The following GPC6 variants were observed in gnomAD, a reference collection of about 807,000 sequenced individuals.
GPC6 encodes the protein glypican-6.
A neutral mutation model predicts 55.2 loss-of-function variants in GPC6; 14 were observed. That is an observed-to-expected ratio of 0.25 (90% confidence interval 0.17 to 0.40). The LOEUF (loss-of-function observed/expected upper bound fraction) is 0.40, where lower values mean the gene tolerates loss of function less well. Among genes scored for constraint, GPC6 ranks in the 10% least tolerant of loss-of-function variants. GPC6 has a pLI of 1.00. For synonymous variants in GPC6, 278 were observed against 259.6 expected (o/e 1.07, Z -0.68); for missense variants, 641 against 708.5 (o/e 0.90, Z 1.08).
At chr13:93,730,889 G>A (rs2138836058) in intron 2 of GPC6, among the ~76,000 whole-genome samples, 1 of 152,288 alleles carries the variant, frequency 6.6e-6, no homozygotes, top group African/African-American at 2.4e-5. Flanking sequence ...AATGCAGGTG[G>A]CTGGTAGAAG....
intron 1 of GPC6, among the ~76,000 whole-genome samples, chr13:93,327,069 G>C (rs376840465): frequency 1.2e-4 from 18 of 152,332 alleles, no homozygotes; most frequent in East Asian, 1.2e-3. Context: ...TGAGAATACA[G>C]AAAGTGGCTT....
At chr13:94,192,888 G>A (rs1183770712) in intron 4 of GPC6, among the ~76,000 whole-genome samples, 2 of 152,134 alleles carry the variant, frequency 1.3e-5, no homozygotes, top group Non-Finnish European at 2.9e-5. Flanking sequence ...AAAGTTCAGT[G>A]GGCATCAGTT....
At chr13:93,429,762 G>A (rs1350622915) in intron 1 of GPC6, among the ~76,000 whole-genome samples, 1 of 152,004 alleles carries the variant, frequency 6.6e-6, no homozygotes, top group Non-Finnish European at 1.5e-5. Context: ...TGTTGGGCTA[G>A]GTGATACATG....
intron 4 of GPC6, among the ~76,000 whole-genome samples, chr13:94,174,684 G>A (rs755996643): frequency 6.6e-6 from 1 of 152,094 alleles, no homozygotes; most frequent in Non-Finnish European, 1.5e-5. Flanking sequence ...TAATGTCCTT[G>A]TAAATGTCAT....
At chr13:93,747,287 A>G (rs1486541279) in intron 2 of GPC6, among the ~76,000 whole-genome samples, 1 of 152,226 alleles carries the variant, frequency 6.6e-6, no homozygotes, top group African/African-American at 2.4e-5. Flanking sequence ...CATCAATGAC[A>G]AGAGATGTGA....
rs111261321 is a variant in GPC6, at chr13:93,231,521, A to C, written c.160+3905A>C. 6.0e-3 allele frequency among the ~76,000 whole-genome samples: 899 copies of C among 149,910 alleles called. 6 individuals are homozygous for C. The highest frequency in any genetic ancestry group is 0.021 in the African/African-American group (857 of 40,864). On this transcript the variant is annotated intron_variant, in intron 1 of 8. Coordinates refer to ENST00000377047, the MANE Select transcript of GPC6 (RefSeq NM_005708.5). ...CTAAATACGTTTCTATTTTGTTCCA[A>C]CGTCTCTAATTCTCAATATCACTTT...
chr13:94,318,437 C>G (rs1035771407), intron 6 of GPC6, among the ~76,000 whole-genome samples: 2 of 152,058 alleles, frequency 1.3e-5, no homozygotes, highest in Non-Finnish European at 2.9e-5. Flanking sequence ...TTAACAATAA[C>G]TAATAATAAA....
chr13:93,814,810 C>G (rs577681965), intron 2 of GPC6, among the ~76,000 whole-genome samples: 1 of 152,260 alleles, frequency 6.6e-6, no homozygotes, highest in East Asian at 1.9e-4. Flanking sequence ...GATTAGAGTG[C>G]TGGTTGATGT....
At chr13:93,706,023 T>A (rs2138801605) in intron 2 of GPC6, among the ~76,000 whole-genome samples, 1 of 151,742 alleles carries the variant, frequency 6.6e-6, no homozygotes, top group South Asian at 2.1e-4. Context: ...TACCAAAAAA[T>A]GGAAAAAAAT....
chr13:93,481,022 TTCCTGAAGCATCTGTG>T (rs1259587927), intron 1 of GPC6, among the ~76,000 whole-genome samples: 2 of 152,178 alleles, frequency 1.3e-5, no homozygotes, highest in Non-Finnish European at 2.9e-5. Flanking sequence ...TCCAGATTGT[TTCCTGAAGCATCTGTG>T]GCATTTTTCA....
At chr13:93,558,532 A>G (rs3910919) in intron 2 of GPC6, among the ~76,000 whole-genome samples, 148,188 of 152,294 alleles carry the variant, frequency 0.97, 72,122 homozygotes, top group East Asian at 1. Context: ...TGGAGATGGG[A>G]AATTACTAGT....
intron 4 of GPC6, among the ~76,000 whole-genome samples, chr13:94,105,216 G>A (rs541106932): frequency 6.6e-6 from 1 of 152,022 alleles, no homozygotes; most frequent in African/African-American, 2.4e-5. Flanking sequence ...AAAATTATCT[G>A]GATGTAGTTT....
At chr13:93,521,465 T>C (rs1881419450) in intron 1 of GPC6, among the ~76,000 whole-genome samples, 1 of 152,018 alleles carries the variant, frequency 6.6e-6, no homozygotes, top group Admixed American at 6.6e-5. Flanking sequence ...CTATTAATGC[T>C]TCAGAACTTA....
chr13:93,640,117 T>C (rs1033584507), intron 2 of GPC6, among the ~76,000 whole-genome samples: 2 of 152,138 alleles, frequency 1.3e-5, no homozygotes, highest in African/African-American at 2.4e-5. Flanking sequence ...TCTTTATGTT[T>C]TCTTTGTAAT....
chr13:93,332,900 G>T (rs896289072), intron 1 of GPC6, among the ~76,000 whole-genome samples: 1 of 152,052 alleles, frequency 6.6e-6, no homozygotes, highest in East Asian at 1.9e-4. Context: ...AGACATGGGG[G>T]TTTCATTCTT....
chr13:94,081,106 C>T (rs1885081883), intron 4 of GPC6, among the ~76,000 whole-genome samples: 1 of 152,256 alleles, frequency 6.6e-6, no homozygotes, highest in African/African-American at 2.4e-5. Context: ...TGGGCACAGT[C>T]CCTCAAGCAA....
chr13:94,033,962 A>C (rs941141261), intron 4 of GPC6, among the ~76,000 whole-genome samples: 8 of 152,198 alleles, frequency 5.3e-5, no homozygotes, highest in Non-Finnish European at 8.8e-5. Context: ...TGTTAGCTAG[A>C]GGACTCGCAT....
At chr13:93,868,828 A>G (rs1343249628) in intron 3 of GPC6, among the ~76,000 whole-genome samples, 1 of 151,838 alleles carries the variant, frequency 6.6e-6, no homozygotes, top group Non-Finnish European at 1.5e-5. Context: ...AGTATATCTA[A>G]GTGATATCTC....
At chr13:93,839,858 A>T (rs2138995655) in intron 3 of GPC6, among the ~76,000 whole-genome samples, 1 of 152,180 alleles carries the variant, frequency 6.6e-6, no homozygotes, top group Admixed American at 6.5e-5. Flanking sequence ...ATGTTGTTGG[A>T]TTCGGTTAGC....
Sources: allele counts gnomAD v4.1 joint callset (sites outside exome capture counted in the v4.1 genomes callset), GRCh38; gene constraint gnomAD v4.1.1; transcripts MANE v1.5; gene names NCBI Gene and HGNC (gene_info 2026-07-23, HGNC 2026-07-21).